The following RTL4 variants were observed in gnomAD, a reference collection of about 807,000 sequenced individuals.
RTL4 encodes the protein retrotransposon Gag like 4.
Under a neutral mutation model 5.3 loss-of-function variants are expected in RTL4, and 4 were observed. The ratio of observed to expected loss-of-function variants is 0.75; its 90% CI spans 0.37 to 1.72. RTL4 has a LOEUF of 1.72. Ranked by LOEUF, RTL4 falls within the 40% of genes most tolerant of loss-of-function variation. The pLI is 0.04. For missense variants in RTL4, 260 were observed against 227.1 expected (o/e 1.14, Z -0.93); for synonymous variants, 98 against 87.3 (o/e 1.12, Z -0.68).
the RTL4 span, among the ~76,000 whole-genome samples, chrX:112,419,708 G>C: frequency 1.3e-5 from 1 of 74,345 alleles, no homozygotes; most frequent in Non-Finnish European, 2.8e-5. Context: ...AATGGTAAGG[G>C]GGCTAAGACT....
At chrX:112,098,074 A>G in the RTL4 span, among the ~76,000 whole-genome samples, 1 of 109,765 alleles carries the variant, frequency 9.1e-6, no homozygotes, top group East Asian at 2.9e-4. Context: ...TCGCCATTTA[A>G]CATTAGGTAT....
At chrX:112,303,538 A>G in the RTL4 span, among the ~76,000 whole-genome samples, 1 of 93,468 alleles carries the variant, frequency 1.1e-5, no homozygotes, top group African/African-American at 4.1e-5. Flanking sequence ...GTTCTCACTC[A>G]TAGATGGGAA....
At chrX:112,376,616 C>T in the RTL4 span, among the ~76,000 whole-genome samples, 2 of 112,396 alleles carry the variant, frequency 1.8e-5, no homozygotes, top group Admixed American at 9.4e-5. Context: ...ATTCATCAGT[C>T]TGGCCTTAGA....
chrX:112,117,362 C>T, the RTL4 span, among the ~76,000 whole-genome samples: 1 of 108,387 alleles, frequency 9.2e-6, no homozygotes, highest in Admixed American at 9.8e-5. Context: ...TCTTAAAAAT[C>T]GTTATATGGT....
At chrX:112,254,863 T>C in the RTL4 span, among the ~76,000 whole-genome samples, 12 of 111,984 alleles carry the variant, frequency 1.1e-4, no homozygotes, top group Non-Finnish European at 1.9e-4. Context: ...TCATGAGATA[T>C]GAGTGAACTA....
the RTL4 span, among the ~76,000 whole-genome samples, chrX:112,256,199 A>C: frequency 8.9e-6 from 1 of 112,093 alleles, no homozygotes. Flanking sequence ...AAAATGTATA[A>C]AAAATGTAGT....
chrX:112,175,717 A>T, the RTL4 span, among the ~76,000 whole-genome samples: 2 of 111,257 alleles, frequency 1.8e-5, no homozygotes, highest in Non-Finnish European at 3.8e-5. Context: ...TTAGGTATTG[A>T]TGGGAAGTAT....
chrX:112,454,989 C>T, exon 1 of RTL4: 1 of 1,211,740 alleles, frequency 8.3e-7, no homozygotes. Flanking sequence ...CTCTCCAAAT[C>T]TCTAATCCTG....
chrX:112,232,039 C>T, the RTL4 span, among the ~76,000 whole-genome samples: 7 of 111,912 alleles, frequency 6.3e-5, no homozygotes, highest in African/African-American at 1.3e-4. Flanking sequence ...ACCAGAAGCT[C>T]GTGTAGATGA....
the RTL4 span, among the ~76,000 whole-genome samples, chrX:112,423,724 G>A: frequency 3.6e-5 from 4 of 111,558 alleles, no homozygotes; most frequent in Non-Finnish European, 5.7e-5. Flanking sequence ...TGTCTCATGA[G>A]CTTCCTTATG....
At chrX:112,112,892 C>T in the RTL4 span, among the ~76,000 whole-genome samples, 1 of 111,541 alleles carries the variant, frequency 9.0e-6, no homozygotes, top group South Asian at 3.8e-4. Context: ...CCTTGAGGTC[C>T]AGAACAGTGA....
the RTL4 span, among the ~76,000 whole-genome samples, chrX:112,093,089 G>A: frequency 5.4e-5 from 6 of 111,083 alleles, no homozygotes; most frequent in African/African-American, 2.0e-4. Flanking sequence ...AAGTGCAATT[G>A]CCAGTTCCTC....
chrX:112,360,508 C>T, the RTL4 span, among the ~76,000 whole-genome samples: 1 of 110,939 alleles, frequency 9.0e-6, no homozygotes, highest in African/African-American at 3.3e-5. Flanking sequence ...CACAATAGTC[C>T]TAAGAATTCT....
downstream of RTL4, among the ~76,000 whole-genome samples, chrX:112,457,333 T>C (rs149421272): frequency 1.3e-3 from 147 of 112,212 alleles, 4 homozygotes; most frequent in Admixed American, 0.012. Flanking sequence ...CATTACTCTA[T>C]ATGCTCCCAC....
At chrX:112,146,216 C>T in the RTL4 span, among the ~76,000 whole-genome samples, 1 of 110,976 alleles carries the variant, frequency 9.0e-6, no homozygotes, top group Non-Finnish European at 1.9e-5. Context: ...GGAGGCATAA[C>T]AAGACATGCT....
At chrX:112,110,593 C>A in the RTL4 span, among the ~76,000 whole-genome samples, 1 of 111,682 alleles carries the variant, frequency 9.0e-6, no homozygotes, top group South Asian at 3.8e-4. Context: ...TAAAAACTTA[C>A]CTTGTAAGTT....
chrX:112,187,265 G>C, the RTL4 span, among the ~76,000 whole-genome samples: 2 of 112,154 alleles, frequency 1.8e-5, no homozygotes, highest in Non-Finnish European at 3.8e-5. Flanking sequence ...CTTTGAGTGA[G>C]GCTTCTGTTT....
At chrX:112,268,249 C>T in the RTL4 span, among the ~76,000 whole-genome samples, 1 of 111,777 alleles carries the variant, frequency 8.9e-6, no homozygotes, top group South Asian at 3.7e-4. Flanking sequence ...GGTTATATTC[C>T]TGCCTAAGGG....
chrX:112,269,332 C>T, the RTL4 span, among the ~76,000 whole-genome samples: 6 of 111,519 alleles, frequency 5.4e-5, no homozygotes, highest in Admixed American at 5.7e-4. Flanking sequence ...AAACCACATT[C>T]AACTTTTCTA....
Sources: allele counts gnomAD v4.1 joint callset (sites outside exome capture counted in the v4.1 genomes callset), GRCh38; gene constraint gnomAD v4.1.1; transcripts MANE v1.5; gene names NCBI Gene and HGNC (gene_info 2026-07-23, HGNC 2026-07-21).